ZNF804B: variants seen among roughly 807,000 people sequenced by gnomAD.
The protein encoded by ZNF804B is zinc finger 804B.
Under a neutral mutation model 101.4 loss-of-function variants are expected in ZNF804B, and 80 were observed. The ratio of observed to expected loss-of-function variants is 0.79; its 90% CI spans 0.66 to 0.95. ZNF804B has a LOEUF of 0.95. Among genes scored for constraint, ZNF804B ranks in the 40% least tolerant of loss-of-function variants. The probability of loss-of-function intolerance (pLI) is 0.00; values close to 1 mark genes in which losing one functional copy is unlikely to be tolerated. For synonymous variants in ZNF804B, 622 were observed against 558.8 expected (o/e 1.11, Z -1.59); for missense variants, 1,673 against 1,561.9 (o/e 1.07, Z -1.20).
At chr7:89,136,261 G>GA (rs1202912052) in intron 1 of ZNF804B, among the ~76,000 whole-genome samples, 5 of 152,008 alleles carry the variant, frequency 3.3e-5, no homozygotes, top group African/African-American at 1.2e-4. Context: ...TAATTCCATT[G>GA]AAAAGAATAC....
chr7:88,909,164 C>G (rs1224143647), intron 1 of ZNF804B, among the ~76,000 whole-genome samples: 1 of 151,716 alleles, frequency 6.6e-6, no homozygotes, highest in African/African-American at 2.4e-5. Context: ...AACCCCAAAC[C>G]AAATTGTTCC....
intron 1 of ZNF804B, among the ~76,000 whole-genome samples, chr7:89,156,673 C>A (rs554224703): frequency 2.6e-5 from 4 of 152,046 alleles, no homozygotes; most frequent in South Asian, 2.1e-4. Context: ...ATCTCTGGAG[C>A]AATTTTTGTT....
intron 2 of ZNF804B, among the ~76,000 whole-genome samples, chr7:89,252,677 A>G (rs1789560879): frequency 6.6e-6 from 1 of 152,246 alleles, no homozygotes; most frequent in Admixed American, 6.5e-5. Flanking sequence ...TGTAGTACAT[A>G]TACACCATAG....
intron 1 of ZNF804B, among the ~76,000 whole-genome samples, chr7:88,856,870 GT>G (rs1308944320): frequency 3.3e-5 from 5 of 152,242 alleles, no homozygotes; most frequent in South Asian, 2.1e-4. Context: ...ATAATCGTAT[GT>G]TTTTTGTCGT....
intron 1 of ZNF804B, among the ~76,000 whole-genome samples, chr7:88,900,850 A>T (rs888743874): frequency 6.6e-6 from 1 of 151,830 alleles, no homozygotes; most frequent in Admixed American, 6.6e-5. Flanking sequence ...ACGGAAAAAA[A>T]AACATTATAC....
Position 89,220,086 on chromosome 7 carries a change from T to C in ZNF804B, c.249+1791T>C, listed in dbSNP as rs1400852468. On this transcript the variant is annotated intron_variant, in intron 2 of 3. Coordinates refer to ENST00000333190, the MANE Select transcript of ZNF804B (RefSeq NM_181646.5). ...ACGCACATATATGTGTATATACATA[T>C]ATATACGCACATATATATGTGTGTA... is the stretch of plus-strand genomic sequence containing the variant. Among the ~76,000 whole-genome samples the C allele has an allele frequency of 7.8e-5, 10 of 127,844 alleles. 3 individuals carry two copies. Among genetic ancestry groups the C allele is most frequent in the Non-Finnish European group, 1.7e-4 (10 of 60,386 alleles). 83.9% of individuals were successfully genotyped at this position (127,844 alleles called of 152,430 possible).
At chr7:89,097,168 A>G (rs1249482071) in intron 1 of ZNF804B, among the ~76,000 whole-genome samples, 2 of 152,134 alleles carry the variant, frequency 1.3e-5, no homozygotes, top group Admixed American at 6.5e-5. Context: ...GCTTTCTGCA[A>G]TCCCCGTCCC....
At chr7:89,036,261 A>G (rs1040871483) in intron 1 of ZNF804B, among the ~76,000 whole-genome samples, 2 of 151,498 alleles carry the variant, frequency 1.3e-5, no homozygotes, top group Admixed American at 1.3e-4. Flanking sequence ...AACTTTATCC[A>G]TGAAAAGAGA....
intron 1 of ZNF804B, among the ~76,000 whole-genome samples, chr7:88,868,328 A>T (rs965160113): frequency 6.6e-6 from 1 of 152,120 alleles, no homozygotes; most frequent in South Asian, 2.1e-4. Flanking sequence ...TGGGCTATGT[A>T]TATCCATTAT....
chr7:89,042,616 T>G (rs1458404837), intron 1 of ZNF804B, among the ~76,000 whole-genome samples: 1 of 152,158 alleles, frequency 6.6e-6, no homozygotes, highest in East Asian at 1.9e-4. Context: ...TAAAAAGCTT[T>G]CACTGTAAAA....
chr7:88,916,988 G>A (rs1330452852), intron 1 of ZNF804B, among the ~76,000 whole-genome samples: 1 of 152,060 alleles, frequency 6.6e-6, no homozygotes, highest in Non-Finnish European at 1.5e-5. Context: ...TATTGGGCTG[G>A]GTGCGGTGGC....
chr7:89,256,335 C>T (rs1789631672), intron 2 of ZNF804B, among the ~76,000 whole-genome samples: 1 of 152,122 alleles, frequency 6.6e-6, no homozygotes, highest in Non-Finnish European at 1.5e-5. Context: ...GAAAGGATTG[C>T]TTAAGCCCAG....
chr7:89,010,470 A>G (rs1013276726), intron 1 of ZNF804B, among the ~76,000 whole-genome samples: 2 of 152,148 alleles, frequency 1.3e-5, no homozygotes, highest in African/African-American at 4.8e-5. Context: ...TACTTCTGGT[A>G]TTTAGGTAAC....
chr7:88,905,225 A>G (rs1792450552), intron 1 of ZNF804B, among the ~76,000 whole-genome samples: 1 of 152,170 alleles, frequency 6.6e-6, no homozygotes, highest in Admixed American at 6.5e-5. Context: ...TTTGCTTTTA[A>G]TCCTGTGTAT....
chr7:88,928,317 T>C (rs1792836089), intron 1 of ZNF804B, among the ~76,000 whole-genome samples: 1 of 152,144 alleles, frequency 6.6e-6, no homozygotes, highest in Non-Finnish European at 1.5e-5. Flanking sequence ...CCACCTGAGC[T>C]CTAATTAGGA....
At chr7:89,294,785 G>C (rs7803223) in intron 2 of ZNF804B, among the ~76,000 whole-genome samples, 1 of 151,816 alleles carries the variant, frequency 6.6e-6, no homozygotes, top group Non-Finnish European at 1.5e-5. Context: ...AATTTTTTAA[G>C]TTCTGGGAGA....
At chr7:88,783,014 T>A (rs1790252863) in intron 1 of ZNF804B, among the ~76,000 whole-genome samples, 1 of 152,188 alleles carries the variant, frequency 6.6e-6, no homozygotes, top group Admixed American at 6.6e-5. Context: ...GTCAAACTGA[T>A]AATTACCTTC....
rs187186763 is a variant in ZNF804B at position 89,321,482 on chromosome 7, A to T, written c.250-5862A>T. The stretch of plus-strand genomic sequence containing the variant: ...CAACAGAGCGAGACCCCATCTCAAA[A>T]AATAATAATAATAATAATTTTATGT... On this transcript the variant is annotated intron_variant, in intron 2 of 3. Transcript: ENST00000333190. Among the ~76,000 whole-genome samples the T allele has an allele frequency of 9.0e-3, 1,371 of 152,106 alleles. 19 individuals are homozygous for T. The highest frequency in any genetic ancestry group is 0.03 in the African/African-American group (1,257 of 41,508).
At chr7:89,059,849 T>C (rs924681747) in intron 1 of ZNF804B, among the ~76,000 whole-genome samples, 11 of 152,028 alleles carry the variant, frequency 7.2e-5, no homozygotes, top group Non-Finnish European at 1.3e-4. Context: ...GTGTGTGAGG[T>C]TGAGCAGACT....
Sources: gnomAD v4.1 joint callset for allele counts (sites outside exome capture counted in the v4.1 genomes callset) on GRCh38, gnomAD v4.1.1 for gene constraint, MANE v1.5 for transcripts, NCBI Gene and HGNC (gene_info 2026-07-23, HGNC 2026-07-21) for gene names.